The following NRXN3 variants were observed in gnomAD, a reference collection of about 807,000 sequenced individuals.
NRXN3 encodes the protein neurexin 3.
Under a neutral mutation model 137.6 loss-of-function variants are expected in NRXN3, and 32 were observed. The observed-to-expected ratio is 0.23, with a 90% CI of 0.18 to 0.31. The LOEUF is 0.31. Among genes scored for constraint, NRXN3 ranks in the 10% least tolerant of loss-of-function variants. NRXN3 has a pLI of 1.00. For missense variants in NRXN3, 1,574 were observed against 2,062.5 expected (o/e 0.76, Z 4.59); for synonymous variants, 798 against 784.5 (o/e 1.02, Z -0.29).
At chr14:79,123,013 G>A (rs1282613406) in intron 15 of NRXN3, among the ~76,000 whole-genome samples, 2 of 152,124 alleles carry the variant, frequency 1.3e-5, no homozygotes, top group East Asian at 3.9e-4. Flanking sequence ...ATTAACTTCA[G>A]AATTAAGAGA....
chr14:79,708,761 G>T (rs2098791364), intron 19 of NRXN3, among the ~76,000 whole-genome samples: 1 of 152,078 alleles, frequency 6.6e-6, no homozygotes, highest in African/African-American at 2.4e-5. Flanking sequence ...TAGAGAGCTT[G>T]TTCTGTTAGC....
At chr14:79,716,195 A>T (rs1412106937) in intron 19 of NRXN3, among the ~76,000 whole-genome samples, 2 of 152,194 alleles carry the variant, frequency 1.3e-5, no homozygotes. Flanking sequence ...AAAGGTGCAG[A>T]TCCCCTTAGT....
intron 15 of NRXN3, among the ~76,000 whole-genome samples, chr14:79,434,376 TA>T (rs1386134053): frequency 1.3e-5 from 2 of 152,120 alleles, no homozygotes; most frequent in Non-Finnish European, 2.9e-5. Flanking sequence ...AGAAGCTTAA[TA>T]AAAATGTAAA....
intron 19 of NRXN3, among the ~76,000 whole-genome samples, chr14:79,746,067 G>A (rs889985805): frequency 4.4e-4 from 67 of 152,168 alleles, no homozygotes; most frequent in Admixed American, 9.8e-4. Context: ...ATGTATTTTT[G>A]GGTGGAACAA....
In NRXN3 at chr14:79,473,469, C is replaced by T. The variant is rs373265180; in HGVS notation, c.3444+6067C>T. ...CTCTATGTGGGATATTTACAGTAAA[C>T]GATCAGCATCTGCTGGGATAGTCCT... On this transcript the variant is annotated intron_variant, in intron 16 of 20. Coordinates refer to ENST00000335750, the MANE Select transcript of NRXN3 (RefSeq NM_001330195.2). 7.9e-5 allele frequency among the ~76,000 whole-genome samples: 12 copies of T among 152,088 alleles called. No individual in the cohort carries two copies. The East Asian group carries it at 9.6e-4, about 12-fold the overall frequency.
At position 78,805,252 on chromosome 14, in the gene NRXN3, CTT is replaced by C. The variant is rs2098856313; in HGVS notation, c.2248+1430_2248+1431del. Among the ~76,000 whole-genome samples, 4 of 151,678 alleles carry C rather than the reference CTT, an allele frequency of 2.6e-5. No homozygotes were observed. In the Middle Eastern group the frequency reaches 0.01, roughly 390 times the overall value. On this transcript the variant is annotated intron_variant, in intron 9 of 20. Coordinates refer to ENST00000335750, the MANE Select transcript of NRXN3 (RefSeq NM_001330195.2). ...TTTGATTTCTGTTGTCAGTGTGTCT[CTT>C]GGTTTTTCTTTTGTTTGTGTATTGT...
intron 4 of NRXN3, among the ~76,000 whole-genome samples, chr14:78,633,847 C>G (rs1293502290): frequency 1.3e-5 from 2 of 152,148 alleles, no homozygotes; most frequent in African/African-American, 4.8e-5. Context: ...ATAAAAAGCC[C>G]TATTGATCTT....
At chr14:78,484,878 C>T (rs2095537405) in intron 4 of NRXN3, among the ~76,000 whole-genome samples, 1 of 152,080 alleles carries the variant, frequency 6.6e-6, no homozygotes, top group Non-Finnish European at 1.5e-5. Flanking sequence ...TAATTAATGT[C>T]AGTAAATGAA....
intron 4 of NRXN3, among the ~76,000 whole-genome samples, chr14:78,332,944 C>T (rs1487908568): frequency 6.6e-6 from 1 of 151,938 alleles, no homozygotes; most frequent in African/African-American, 2.4e-5. Context: ...GGAGGACTCT[C>T]CAGGACCACT....
intron 16 of NRXN3, among the ~76,000 whole-genome samples, chr14:79,656,616 C>CTTT (rs58620442): frequency 1.5e-5 from 2 of 137,862 alleles, no homozygotes; most frequent in Admixed American, 7.3e-5. Flanking sequence ...CTCTCTCTCT[C>CTTT]TTTTTTTTTT....
In NRXN3 at chr14:78,241,620, G is replaced by GA. The variant is rs112699569; in HGVS notation, c.-703-758dup. Among the ~76,000 whole-genome samples the GA allele has an allele frequency of 1.3e-3, 176 of 134,140 alleles. 1 individual carries two copies. Among genetic ancestry groups the GA allele is most frequent in the African/African-American group, 2.2e-3 (81 of 36,422 alleles). 88.0% of individuals were successfully genotyped at this position (134,140 alleles called of 152,430 possible). ...GGGCAAAAGAGCAAGACTCTGTCTC[G>GA]AAAAAAAAAAAAAGGCTTATGCTAG... is the stretch of plus-strand genomic sequence containing the variant. On this transcript the variant is annotated intron_variant, in intron 1 of 20. Coordinates refer to ENST00000335750, the MANE Select transcript of NRXN3 (RefSeq NM_001330195.2).
chr14:78,606,163 G>A (rs753021594), intron 4 of NRXN3, among the ~76,000 whole-genome samples: 2 of 152,136 alleles, frequency 1.3e-5, no homozygotes, highest in Non-Finnish European at 2.9e-5. Flanking sequence ...TTCCCCTTAT[G>A]GCAATAACCA....
In NRXN3 at chr14:79,835,899, G is replaced by A. The variant is rs546449742; in HGVS notation, c.4094-25443G>A. Among the ~76,000 whole-genome samples the A allele has an allele frequency of 3.9e-5, 6 of 152,210 alleles. No homozygotes were observed. The East Asian group carries it at 5.8e-4, about 15-fold the overall frequency. On this transcript the variant is annotated intron_variant, in intron 20 of 20. Transcript: ENST00000335750. ...AGGAAACTTGACAGTGACAGCAGGG[G>A]AACAGCACAGTATCCTACTTGGCCA...
intron 15 of NRXN3, among the ~76,000 whole-genome samples, chr14:79,216,286 A>G (rs377208521): frequency 1.3e-5 from 2 of 152,170 alleles, no homozygotes; most frequent in African/African-American, 4.8e-5. Context: ...CCTGAGAGGA[A>G]GTATCTGGAA....
chr14:78,457,758 C>G (rs571286944), intron 4 of NRXN3, among the ~76,000 whole-genome samples: 1 of 152,130 alleles, frequency 6.6e-6, no homozygotes, highest in Non-Finnish European at 1.5e-5. Flanking sequence ...TGCATACACA[C>G]GTACCCACAC....
At chr14:78,402,348 A>ATT (rs1206275329) in intron 4 of NRXN3, among the ~76,000 whole-genome samples, 3 of 152,228 alleles carry the variant, frequency 2.0e-5, no homozygotes, top group Admixed American at 2.0e-4. Flanking sequence ...GAAAACAAAG[A>ATT]TTTACTAAGT....
intron 3 of NRXN3, among the ~76,000 whole-genome samples, chr14:78,291,888 T>G (rs1200733730): frequency 6.6e-6 from 1 of 150,542 alleles, no homozygotes; most frequent in East Asian, 1.9e-4. Context: ...CAGAGATAAC[T>G]TTTTTTTCGT....
chr14:78,174,081 G>A (rs2059027623), intron 1 of NRXN3, among the ~76,000 whole-genome samples: 1 of 152,060 alleles, frequency 6.6e-6, no homozygotes, highest in Non-Finnish European at 1.5e-5. Context: ...AGTCTTTGTG[G>A]GAGGGGACCT....
intron 15 of NRXN3, among the ~76,000 whole-genome samples, chr14:79,302,837 C>T (rs1171209891): frequency 6.6e-6 from 1 of 151,872 alleles, no homozygotes; most frequent in East Asian, 1.9e-4. Flanking sequence ...GTCAATTATA[C>T]CTCATTTCTT....
Sources: allele counts gnomAD v4.1 joint callset (sites outside exome capture counted in the v4.1 genomes callset), GRCh38; gene constraint gnomAD v4.1.1; transcripts MANE v1.5; gene names NCBI Gene and HGNC (gene_info 2026-07-23, HGNC 2026-07-21).